The following CNOT1 variants were observed in gnomAD, a reference collection of about 807,000 sequenced individuals.
CNOT1 encodes CCR4-associated factor 1.
In CNOT1, 15 loss-of-function variants were observed where a neutral mutation model predicts 273.8. The observed-to-expected ratio is 0.05, with a 90% CI of 0.04 to 0.08. The LOEUF is 0.08. Ranked by LOEUF, CNOT1 falls within the 10% of genes least tolerant of loss-of-function variation. CNOT1 has a pLI of 1.00. For synonymous variants in CNOT1, 1,022 were observed against 1,005.5 expected (o/e 1.02, Z -0.31); for missense variants, 1,644 against 2,912.2 (o/e 0.56, Z 10.02).
At chr16:58,555,029 G>T (rs968911811) in intron 21 of CNOT1, among the ~76,000 whole-genome samples, 1 of 151,348 alleles carries the variant, frequency 6.6e-6, no homozygotes, top group Non-Finnish European at 1.5e-5. Context: ...TTGAGACCAT[G>T]GTGAAACCCT....
chr16:58,592,986 A>T (rs1182161656), intron 2 of CNOT1, among the ~76,000 whole-genome samples: 1 of 152,292 alleles, frequency 6.6e-6, no homozygotes, highest in South Asian at 2.1e-4. Context: ...TACCCTCAAC[A>T]TACTCCTCAC....
intron 35 of CNOT1, among the ~76,000 whole-genome samples, chr16:58,539,480 C>CACACACACACACACACACACACACACAG (rs1555494952): frequency 2.2e-4 from 32 of 148,688 alleles, no homozygotes; most frequent in East Asian, 1.9e-3. Context: ...CACACACACA[C>CACACACACACACACACACACACACACAG]ACACACACAC....
chr16:58,544,605 A>G (rs1318178142), intron 30 of CNOT1, among the ~76,000 whole-genome samples: 1 of 152,200 alleles, frequency 6.6e-6, no homozygotes, highest in Non-Finnish European at 1.5e-5. Context: ...TGGGGGGACA[A>G]GGATAAAATG....
In CNOT1 at chr16:58,581,377, T is replaced by C. The variant is rs1034072027; in HGVS notation, c.1183A>G (p.Ile395Val). 1 of 1,613,406 alleles carries C rather than the reference T, an allele frequency of 6.2e-7. No homozygotes were observed. The highest frequency in any genetic ancestry group is 8.5e-7 in the Non-Finnish European group (1 of 1,179,762). Residue 395 changes from isoleucine (I) to valine (V), a missense_variant, in exon 11 of 49, where the codon ATA becomes GTA. Ile to Val is a conservative substitution (Grantham distance 29). Coordinates refer to ENST00000317147, the MANE Select transcript of CNOT1 (RefSeq NM_016284.5). Reference protein sequence around the residue: ...LGMEVFPVDLIYRPWKHAEGQ... With the variant: ...LGMEVFPVDLVYRPWKHAEGQ... Reference sequence around the variant, plus strand: ...TCAGCATGTTTCCAAGGTCTATATATGAGGTCTACTGGGAACACTTCCATA... The same window carrying C: ...TCAGCATGTTTCCAAGGTCTATATACGAGGTCTACTGGGAACACTTCCATA...
At chr16:58,568,663 G>C (rs966826047) in intron 16 of CNOT1, among the ~76,000 whole-genome samples, 9 of 151,718 alleles carry the variant, frequency 5.9e-5, no homozygotes, top group Non-Finnish European at 1.2e-4. Flanking sequence ...CTGGGCGACA[G>C]AGCGAGACTC....
At chr16:58,542,636 A>T (rs1293541853) in intron 31 of CNOT1, 68 bp from the exon 32 acceptor site, 1 of 1,572,892 alleles carries the variant, frequency 6.4e-7, no homozygotes, top group Non-Finnish European at 8.6e-7. Context: ...TGATGTGGAC[A>T]GACAGGATAG....
chr16:58,629,131 GC>G (rs1325819791), intron 1 of CNOT1, among the ~76,000 whole-genome samples: 1 of 145,100 alleles, frequency 6.9e-6, no homozygotes, highest in Non-Finnish European at 1.5e-5. Context: ...GCTTGCTCCC[GC>G]CCGCCCTTCC....
chr16:58,533,091 A>C (rs551043427), intron 40 of CNOT1: 34 of 152,476 alleles, frequency 2.2e-4, no homozygotes, highest in African/African-American at 7.7e-4. Context: ...AACATACTGA[A>C]ATACATTATG....
chr16:58,543,535 G>T, intron 31 of CNOT1, 72 bp downstream of exon 31: 3 of 1,608,376 alleles, frequency 1.9e-6, no homozygotes, highest in Non-Finnish European at 2.5e-6. Flanking sequence ...GCCATATATA[G>T]ACAAAGAAAA....
chr16:58,602,516 G>T (rs2042503784), intron 1 of CNOT1, among the ~76,000 whole-genome samples: 1 of 124,100 alleles, frequency 8.1e-6, no homozygotes. Flanking sequence ...TCACACCACT[G>T]CACTCTGGCC....
In CNOT1 at chr16:58,522,578, ATC is replaced by A. The variant is rs1002975654; in HGVS notation, c.6917+790_6917+791del. Among the ~76,000 whole-genome samples, 21 of 152,210 alleles carry A rather than the reference ATC, an allele frequency of 1.4e-4. No homozygotes were observed. In the East Asian group the frequency reaches 1.9e-3, roughly 14 times the overall value. On this transcript the variant is annotated intron_variant, in intron 47 of 48. Coordinates refer to ENST00000317147, the MANE Select transcript of CNOT1 (RefSeq NM_016284.5). ...AAAGTGTGTGTGTGTGTGTATCACA[ATC>A]TCTCTAATGCTATATGTAGTCTAGG...
At chr16:58,527,036 CT>C (rs980621828) in intron 44 of CNOT1, among the ~76,000 whole-genome samples, 1 of 151,654 alleles carries the variant, frequency 6.6e-6, no homozygotes, top group Non-Finnish European at 1.5e-5. Context: ...AACGAGACCC[CT>C]GTCTCTTAAA....
intron 14 of CNOT1, among the ~76,000 whole-genome samples, chr16:58,576,136 A>C (rs1300108136): frequency 6.7e-6 from 1 of 150,054 alleles, no homozygotes; most frequent in Non-Finnish European, 1.5e-5. Flanking sequence ...TTTGAGATGG[A>C]GTCTCACTCT....
At chr16:58,602,991 C>A (rs1434486628) in intron 1 of CNOT1, among the ~76,000 whole-genome samples, 1 of 152,126 alleles carries the variant, frequency 6.6e-6, no homozygotes, top group African/African-American at 2.4e-5. Flanking sequence ...CTTACTCAGG[C>A]CAAAATCTTG....
At chr16:58,617,271 G>A (rs2043124873) in intron 1 of CNOT1, among the ~76,000 whole-genome samples, 1 of 152,064 alleles carries the variant, frequency 6.6e-6, no homozygotes, top group South Asian at 2.1e-4. Context: ...TGAGGTAGGA[G>A]GATCACTTAA....
rs752255170 is a variant in CNOT1 at position 58,520,012 on chromosome 16, T to A, written c.*946A>T. ...ATACACATACAAGAAGTAGGGGAGC[T>A]GAAGCCCAGGAAAAGGCTACAAAAT... is the stretch of plus-strand genomic sequence containing the variant. On this transcript the variant is annotated 3_prime_UTR_variant, in exon 49 of 49. Coordinates refer to ENST00000317147, the MANE Select transcript of CNOT1 (RefSeq NM_016284.5). 2.6e-5 allele frequency: 4 copies of A among 152,244 alleles called. No individual in the cohort carries two copies. The highest frequency in any genetic ancestry group is 4.8e-5 in the African/African-American group (2 of 41,436). 9.4% of individuals were successfully genotyped at this position (152,244 alleles called of 1,614,324 possible).
intron 1 of CNOT1, among the ~76,000 whole-genome samples, chr16:58,623,865 C>T (rs1373049099): frequency 6.6e-6 from 1 of 152,028 alleles, no homozygotes; most frequent in East Asian, 1.9e-4. Flanking sequence ...TGGCGCATGC[C>T]TATAATCCCA....
intron 34 of CNOT1, among the ~76,000 whole-genome samples, chr16:58,540,459 A>G (rs150184145): frequency 1.1e-3 from 161 of 152,358 alleles, no homozygotes; most frequent in Non-Finnish European, 1.5e-3. Context: ...CAAACAAATC[A>G]AGTCATTTAG....
At chr16:58,629,101 G>A (rs1268271166) in intron 1 of CNOT1, among the ~76,000 whole-genome samples, 2 of 152,238 alleles carry the variant, frequency 1.3e-5, no homozygotes, top group Admixed American at 1.3e-4. Context: ...AACAAAACCT[G>A]TAGCAAGTAA....
Sources: allele counts gnomAD v4.1 joint callset (sites outside exome capture counted in the v4.1 genomes callset), GRCh38; gene constraint gnomAD v4.1.1; transcripts MANE v1.5; gene names NCBI Gene and HGNC (gene_info 2026-07-23, HGNC 2026-07-21).